Variants in METTL15 observed in about 807,000 individuals in gnomAD.
METTL15 encodes the protein methyltransferase 15, mitochondrial 12S rRNA N4-cytidine.
In METTL15, 34 loss-of-function variants were observed where a neutral mutation model predicts 38.3. That is an observed-to-expected ratio of 0.89 (90% CI 0.68 to 1.18). The LOEUF is 1.18. METTL15 is among the 50% of genes most tolerant of loss of function. The pLI, the probability that METTL15 is intolerant of heterozygous loss-of-function variation, is 0.00. For synonymous variants in METTL15, 162 were observed against 170.9 expected (o/e 0.95, Z 0.41); for missense variants, 438 against 498.4 (o/e 0.88, Z 1.15).
intron 6 of METTL15, among the ~76,000 whole-genome samples, chr11:28,464,461 G>A (rs2133457978): frequency 6.6e-6 from 1 of 152,300 alleles, no homozygotes; most frequent in South Asian, 2.1e-4. Context: ...CCAGTAAAAT[G>A]TGATTTAGAA....
chr11:28,378,129 C>G (rs553939558), intron 5 of METTL15, among the ~76,000 whole-genome samples: 6 of 152,140 alleles, frequency 3.9e-5, no homozygotes, highest in Non-Finnish European at 8.8e-5. Flanking sequence ...GCCCTGCCCC[C>G]AGAGGTGGAG....
intron 6 of METTL15, among the ~76,000 whole-genome samples, chr11:28,468,337 A>G (rs1469436589): frequency 5.6e-4 from 85 of 152,320 alleles, no homozygotes; most frequent in Non-Finnish European, 8.8e-5. Context: ...CACCAGGGAT[A>G]AAAACACGGT....
chr11:28,433,630 G>A (rs1194985146), intron 6 of METTL15, among the ~76,000 whole-genome samples: 1 of 152,118 alleles, frequency 6.6e-6, no homozygotes, highest in Non-Finnish European at 1.5e-5. Flanking sequence ...TTTGATGATG[G>A]TGGTGATGAT....
At chr11:28,405,452 A>C (rs1304418910) in intron 5 of METTL15, among the ~76,000 whole-genome samples, 25 of 152,124 alleles carry the variant, frequency 1.6e-4, no homozygotes, top group Non-Finnish European at 1.8e-4. Flanking sequence ...AATTCCATTC[A>C]GAGTAATTTT....
intron 6 of METTL15, among the ~76,000 whole-genome samples, chr11:28,495,297 C>T (rs1851526988): frequency 2.0e-5 from 3 of 152,054 alleles, no homozygotes; most frequent in Non-Finnish European, 4.4e-5. Context: ...GAGGCAACAA[C>T]TCATGAAAGG....
chr11:28,238,011 C>G (rs1590203653), intron 4 of METTL15, among the ~76,000 whole-genome samples: 1 of 152,168 alleles, frequency 6.6e-6, no homozygotes. Context: ...CAGTCTGCCC[C>G]TGCTGGAGGG....
chr11:28,531,060 T>C (rs1381319018), downstream of METTL15, among the ~76,000 whole-genome samples: 1 of 152,020 alleles, frequency 6.6e-6, no homozygotes, highest in African/African-American at 2.4e-5. Flanking sequence ...CTGAAATTGC[T>C]GCTTTCTAAC....
intron 4 of METTL15, among the ~76,000 whole-genome samples, chr11:28,254,376 G>A (rs945003347): frequency 6.6e-6 from 1 of 152,040 alleles, no homozygotes; most frequent in Non-Finnish European, 1.5e-5. Context: ...ATATATTCTG[G>A]TTGTTAATCC....
Position 28,234,146 on chromosome 11 carries a change from A to G in METTL15, c.407+22948A>G, listed in dbSNP as rs1238088689. Among the ~76,000 whole-genome samples the G allele has an allele frequency of 2.6e-5, 4 of 152,220 alleles. No homozygotes were observed. The East Asian group carries it at 5.8e-4, about 22-fold the overall frequency. On this transcript the variant is annotated intron_variant, in intron 4 of 6. Coordinates refer to ENST00000407364, the MANE Select transcript of METTL15 (RefSeq NM_001113528.2). ...AAAGGACATGAACTCATCATTTTTA[A>G]TGGCAGCGTAGTATTCCATGGTGTA...
At chr11:28,261,239 A>G (rs1855188327) in intron 4 of METTL15, 1 of 152,250 alleles carries the variant, frequency 6.6e-6, no homozygotes. Context: ...AAAGAAAAAC[A>G]CCAACCAAAA....
intron 4 of METTL15, among the ~76,000 whole-genome samples, chr11:28,359,699 CT>C (rs1850119640): frequency 6.6e-6 from 1 of 152,086 alleles, no homozygotes; most frequent in Non-Finnish European, 1.5e-5. Flanking sequence ...TTTTCATACA[CT>C]TGTGCGTCTT....
chr11:28,420,829 C>A (rs909350681), intron 5 of METTL15, among the ~76,000 whole-genome samples: 1 of 151,806 alleles, frequency 6.6e-6, no homozygotes, highest in African/African-American at 2.4e-5. Flanking sequence ...CAAGAGCAAA[C>A]CAAATCCAAA....
intron 3 of METTL15, among the ~76,000 whole-genome samples, chr11:28,192,877 G>A (rs1851750571): frequency 6.6e-6 from 1 of 152,020 alleles, no homozygotes; most frequent in South Asian, 2.1e-4. Context: ...AGTAAATTTT[G>A]ATAGTTTGTG....
intron 4 of METTL15, among the ~76,000 whole-genome samples, chr11:28,355,420 C>G (rs1350413087): frequency 1.3e-5 from 2 of 152,128 alleles, no homozygotes; most frequent in African/African-American, 2.4e-5. Context: ...TCTTCTTGGT[C>G]TTTGGAGAAG....
intron 3 of METTL15, among the ~76,000 whole-genome samples, chr11:28,203,769 A>G (rs1404749334): frequency 1.3e-5 from 2 of 152,118 alleles, no homozygotes; most frequent in African/African-American, 4.8e-5. Flanking sequence ...ATTTGATTAA[A>G]AAGAACTAGC....
At chr11:28,172,185 C>A (rs1850884691) in intron 3 of METTL15, among the ~76,000 whole-genome samples, 1 of 151,914 alleles carries the variant, frequency 6.6e-6, no homozygotes, top group Admixed American at 6.6e-5. Context: ...TCTTTCAAAA[C>A]AAGACAAAAT....
In METTL15 at chr11:28,247,783, G is replaced by A. The variant is rs548395904; in HGVS notation, c.407+36585G>A. 5.0e-4 allele frequency among the ~76,000 whole-genome samples: 76 copies of A among 152,092 alleles called. No homozygotes were observed. In the South Asian group the frequency reaches 9.9e-3, roughly 20 times the overall value. On this transcript the variant is annotated intron_variant, in intron 4 of 6. Coordinates refer to ENST00000407364, the MANE Select transcript of METTL15 (RefSeq NM_001113528.2). ...TACAGGCAAAATGAGTTAACAAGGC[G>A]TTACGAGATTTTTTGCATTATGTTT...
chr11:28,325,361 T>C (rs936952437), intron 6 of METTL15, among the ~76,000 whole-genome samples: 1 of 152,164 alleles, frequency 6.6e-6, no homozygotes, highest in African/African-American at 2.4e-5. Context: ...GAGCAAGACA[T>C]AGGTCTTGGA....
chr11:28,132,535 A>T (rs1849373261), intron 3 of METTL15, among the ~76,000 whole-genome samples: 1 of 152,094 alleles, frequency 6.6e-6, no homozygotes, highest in Non-Finnish European at 1.5e-5. Flanking sequence ...CTTGAAAATG[A>T]ATCAGTTAAA....
Sources: gnomAD v4.1 joint callset for allele counts (sites outside exome capture counted in the v4.1 genomes callset) on GRCh38, gnomAD v4.1.1 for gene constraint, MANE v1.5 for transcripts, NCBI Gene and HGNC (gene_info 2026-07-23, HGNC 2026-07-21) for gene names.